The following C2CD3 variants were observed in gnomAD, a reference collection of about 807,000 sequenced individuals.
C2CD3 encodes C2 domain-containing protein 3.
Under a neutral mutation model 234.0 loss-of-function variants are expected in C2CD3, and 148 were observed. That is an observed-to-expected ratio of 0.63 (90% CI 0.55 to 0.72). The LOEUF (loss-of-function observed/expected upper bound fraction) is 0.72, where lower values mean the gene tolerates loss of function less well. Ranked by LOEUF, C2CD3 falls within the 30% of genes least tolerant of loss-of-function variation. C2CD3 has a pLI of 0.00. For synonymous variants in C2CD3, 1,000 were observed against 1,035.4 expected, an observed-to-expected ratio of 0.97 and a Z score of 0.66; for missense variants, 2,577 against 2,811.5, an observed-to-expected ratio of 0.92 and a Z score of 1.89.
rs747090151 is a variant in C2CD3 at position 74,042,223 on chromosome 11, CAAA to C, written c.5496-8_5496-6del. 13,763 of 1,325,108 alleles carry C rather than the reference CAAA, an allele frequency of 0.01. No homozygotes were observed. Among genetic ancestry groups the C allele is most frequent in the South Asian group, 0.019 (1,183 of 62,112 alleles). 82.1% of individuals were successfully genotyped at this position (1,325,108 alleles called of 1,614,324 possible). On this transcript the variant is annotated splice_polypyrimidine_tract_variant and splice_region_variant and intron_variant, in intron 28 of 32. Transcript: ENST00000334126. ...TGGCTTCTTGTGGTATCACTTCTGT[CAAA>C]AAAAAAAAAAAAAAAAGTAGGAGCA...
At chr11:74,099,738 T>C (rs1193367708) in intron 15 of C2CD3, among the ~76,000 whole-genome samples, 2 of 151,594 alleles carry the variant, frequency 1.3e-5, no homozygotes, top group African/African-American at 4.8e-5. Flanking sequence ...CTACTAAAAA[T>C]ACAAAAAATT....
chr11:74,100,791 T>A, intron 14 of C2CD3, 115 bp from the exon 15 acceptor site: 1 of 824,956 alleles, frequency 1.2e-6, no homozygotes, highest in Non-Finnish European at 1.9e-6. Flanking sequence ...CACAGTGTTA[T>A]GAGCTAAAGA....
intron 3 of C2CD3, among the ~76,000 whole-genome samples, chr11:74,143,240 T>C (rs1053276910): frequency 5.3e-5 from 8 of 152,192 alleles, no homozygotes; most frequent in African/African-American, 1.9e-4. Flanking sequence ...TACAATTATC[T>C]ACTATATCTA....
rs201359741 is a variant in C2CD3, at chr11:74,098,176, C to A, written c.2812G>T (p.Val938Leu). 2.5e-6 allele frequency: 4 copies of A among 1,614,060 alleles called. No homozygotes were observed. Among genetic ancestry groups the A allele is most frequent in the Non-Finnish European group, 2.5e-6 (3 of 1,179,946 alleles). Residue 938 changes from valine (V) to leucine (L), a missense_variant, in exon 16 of 33, where the codon GTG becomes TTG. Coordinates refer to ENST00000334126, the MANE Select transcript of C2CD3 (RefSeq NM_001286577.2). ...CTCCCATTTTGGTGGCCTGAAAACA[C>A]ATCAATCACAGGCATGTAGCTGTCG... Reference protein sequence around the residue: ...AVDSYMPVIDVFSGHQNGSLR... With the variant: ...AVDSYMPVIDLFSGHQNGSLR...
At chr11:74,052,385 A>C (rs952111732) in intron 26 of C2CD3, among the ~76,000 whole-genome samples, 1 of 152,224 alleles carries the variant, frequency 6.6e-6, no homozygotes, top group Non-Finnish European at 1.5e-5. Flanking sequence ...CTATTATTCT[A>C]ATTTTATAAA....
intron 26 of C2CD3, among the ~76,000 whole-genome samples, chr11:74,050,618 T>C (rs1007594311): frequency 6.6e-6 from 1 of 152,250 alleles, no homozygotes; most frequent in African/African-American, 2.4e-5. Context: ...AATCAAGGAA[T>C]GCATATTTTC....
At position 74,113,884 on chromosome 11, in the gene C2CD3, A is replaced by G; in HGVS notation, c.1739T>C (p.Phe580Ser). ...KVTTAKKRTF[F>S]VEYHFPVGFS... The stretch of plus-strand genomic sequence containing the variant: ...GCCCACAGGAAAGTGATATTCTACA[A>G]AGAAAGTGCTAAAAAGAAAAAAAAA... The change falls in exon 11 of 33, where the codon TTT (phenylalanine) becomes TCT (serine). Residue 580 changes from phenylalanine to serine, a missense_variant. Physicochemically the swap from Phe to Ser is radical, Grantham distance 155. Transcript: ENST00000334126. 1 of 1,575,218 alleles carries G rather than the reference A, an allele frequency of 6.3e-7. No individual in the cohort carries two copies. The highest frequency in any genetic ancestry group is 8.6e-7 in the Non-Finnish European group (1 of 1,163,740).
At chr11:74,121,159 G>A (rs182263095) in intron 8 of C2CD3, among the ~76,000 whole-genome samples, 56 of 152,246 alleles carry the variant, frequency 3.7e-4, no homozygotes, top group African/African-American at 1.2e-3. Context: ...GACACACTGT[G>A]GTCTAGTAGA....
At chr11:74,061,540 A>G (rs1328582873) in intron 24 of C2CD3, among the ~76,000 whole-genome samples, 2 of 152,222 alleles carry the variant, frequency 1.3e-5, no homozygotes, top group Non-Finnish European at 2.9e-5. Context: ...TTCATAAGTG[A>G]AAGTGAAATG....
intron 5 of C2CD3, among the ~76,000 whole-genome samples, chr11:74,137,834 C>T (rs1476861663): frequency 1.3e-5 from 2 of 152,172 alleles, no homozygotes; most frequent in African/African-American, 2.4e-5. Context: ...GATCTGCCCG[C>T]CTCAGCCTCC....
chr11:74,118,313 G>A lies in C2CD3; in HGVS notation c.1435C>T (p.Gln479Ter). The change falls in exon 9 of 33, where the codon CAG becomes TAG. Residue 479 changes from glutamine (Q) to a stop codon, truncating the protein, a stop_gained. Coordinates refer to ENST00000334126, the MANE Select transcript of C2CD3 (RefSeq NM_001286577.2). LOFTEE classifies it high-confidence loss of function. ...GATGATCTGGCAAGAGCTGTTGACT[G>A]GCTTATTTTTTTAGAAGGGACGATA... The part of the protein sequence containing the change: ...DDIVPSKKIS[Q>*]STALARSSKV... The A allele has an allele frequency of 6.2e-7, 1 of 1,612,870 alleles. No homozygotes were observed.
intron 32 of C2CD3, among the ~76,000 whole-genome samples, chr11:74,020,305 C>T (rs1952033453): frequency 6.6e-6 from 1 of 152,230 alleles, no homozygotes; most frequent in African/African-American, 2.4e-5. Flanking sequence ...CATTTCTGAC[C>T]ATGTCTCTAG....
intron 27 of C2CD3, among the ~76,000 whole-genome samples, chr11:74,048,853 C>T (rs927336384): frequency 2.0e-5 from 3 of 151,074 alleles, no homozygotes; most frequent in African/African-American, 7.4e-5. Flanking sequence ...TAGTCTTTGC[C>T]TTGATAGAGG....
At chr11:74,059,679 G>A (rs183831043) in intron 24 of C2CD3, among the ~76,000 whole-genome samples, 20 of 152,262 alleles carry the variant, frequency 1.3e-4, no homozygotes, top group African/African-American at 4.3e-4. Context: ...CAAGATGGCC[G>A]AATAGGAACA....
chr11:74,162,234 G>C (rs76053932), intron 2 of C2CD3, among the ~76,000 whole-genome samples: 55 of 152,074 alleles, frequency 3.6e-4, no homozygotes, highest in Non-Finnish European at 6.8e-4. Flanking sequence ...AAGAATATAA[G>C]TAGCTCTATA....
intron 32 of C2CD3, among the ~76,000 whole-genome samples, chr11:74,018,320 G>A (rs1291408166): frequency 6.6e-6 from 1 of 152,162 alleles, no homozygotes; most frequent in Admixed American, 6.5e-5. Flanking sequence ...CAAAAGTCCT[G>A]AGTAGAGCTG....
chr11:74,054,858 A>T (rs1475731617), intron 25 of C2CD3, among the ~76,000 whole-genome samples, 187 bp from the exon 26 acceptor site: 1 of 152,206 alleles, frequency 6.6e-6, no homozygotes, highest in Non-Finnish European at 1.5e-5. Context: ...CAGAGAGGTG[A>T]AGTAACTTGC....
chr11:74,103,063 A>G, intron 14 of C2CD3, 68 bp downstream of exon 14: 1 of 1,431,560 alleles, frequency 7.0e-7, no homozygotes, highest in Non-Finnish European at 9.5e-7. Context: ...AAGACGAAAT[A>G]ATAATTTGGG....
At position 74,087,564 on chromosome 11, in the gene C2CD3, CG is replaced by C. The variant is rs1197128877; in HGVS notation, c.3642-1679del. Among the ~76,000 whole-genome samples the C allele has an allele frequency of 2.3e-3, 336 of 143,794 alleles. 1 individual carries two copies. The highest frequency in any genetic ancestry group is 8.2e-3 in the African/African-American group (317 of 38,536). 94.3% of individuals were successfully genotyped at this position (143,794 alleles called of 152,430 possible). ...GGGCGACAAGAGTGAAACTCCATCT[CG>C]AAAAAAAAAAAATGAGGATAAAATA... On this transcript the variant is annotated intron_variant, in intron 20 of 32. Transcript: ENST00000334126.
Sources: gnomAD v4.1 joint callset for allele counts (sites outside exome capture counted in the v4.1 genomes callset) on GRCh38, gnomAD v4.1.1 for gene constraint, MANE v1.5 for transcripts, NCBI Gene and HGNC (gene_info 2026-07-23, HGNC 2026-07-21) for gene names.